The following KLHL14 variants were observed in gnomAD, a reference collection of about 807,000 sequenced individuals.
KLHL14 encodes kelch-like protein 14.
In KLHL14, 22 loss-of-function variants were observed where a neutral mutation model predicts 64.3. That is an observed-to-expected ratio of 0.34 (90% CI 0.24 to 0.49). KLHL14 has a LOEUF of 0.49. Among genes scored for constraint, KLHL14 ranks in the 20% least tolerant of loss-of-function variants. The pLI is 0.99. For missense variants in KLHL14, 661 were observed against 789.0 expected (o/e 0.84, Z 1.94); for synonymous variants, 322 against 333.4 (o/e 0.97, Z 0.37).
intron 3 of KLHL14, among the ~76,000 whole-genome samples, chr18:32,719,565 C>G (rs1263516253): frequency 2.6e-5 from 4 of 152,170 alleles, no homozygotes; most frequent in South Asian, 2.1e-4. Flanking sequence ...GGTAAACTGA[C>G]TTTGATGTCA....
intron 3 of KLHL14, among the ~76,000 whole-genome samples, chr18:32,718,097 T>TATATATTCTGG (rs2050055382): frequency 6.6e-6 from 1 of 152,246 alleles, no homozygotes. Context: ...TTCTGGGTTA[T>TATATATTCTGG]GCAATAAATG....
chr18:32,678,374 A>G (rs548125988), intron 7 of KLHL14, among the ~76,000 whole-genome samples: 1 of 152,196 alleles, frequency 6.6e-6, no homozygotes, highest in Admixed American at 6.5e-5. Context: ...AGATGAATAA[A>G]AAGGTGGAGA....
chr18:32,729,089 G>A (rs2050122000), intron 3 of KLHL14, among the ~76,000 whole-genome samples: 1 of 152,140 alleles, frequency 6.6e-6, no homozygotes, highest in Non-Finnish European at 1.5e-5. Flanking sequence ...TTAAAAAGTT[G>A]GGGTTTGTGG....
chr18:32,716,480 T>A (rs1256242220), intron 3 of KLHL14, among the ~76,000 whole-genome samples: 1 of 152,058 alleles, frequency 6.6e-6, no homozygotes, highest in Non-Finnish European at 1.5e-5. Flanking sequence ...AATGGCACGA[T>A]CTCGGCTCAC....
intron 4 of KLHL14, among the ~76,000 whole-genome samples, chr18:32,693,377 TACACACACACACACACAC>T (rs869067364): frequency 1.0e-5 from 1 of 96,658 alleles, no homozygotes; most frequent in African/African-American, 5.3e-5. Context: ...AAAGGGATCT[TACACACACACACACACAC>T]ACACACACAC....
At position 32,696,464 on chromosome 18, in the gene KLHL14, T is replaced by C. The variant is rs543982153; in HGVS notation, c.1070-912A>G. On this transcript the variant is annotated intron_variant, in intron 3 of 8. Transcript: ENST00000359358. Reference sequence around the variant, plus strand: ...TAAACGTATACAGCATTAGTTATCATATCTCCTACAGTGGTTTGGGCCCAG... The same window carrying C: ...TAAACGTATACAGCATTAGTTATCACATCTCCTACAGTGGTTTGGGCCCAG... 3.3e-5 allele frequency among the ~76,000 whole-genome samples: 5 copies of C among 152,320 alleles called. No homozygotes were observed. The South Asian group carries it at 1.0e-3, about 32-fold the overall frequency.
chr18:32,714,580 CTG>C (rs1164333622), intron 3 of KLHL14, among the ~76,000 whole-genome samples: 6 of 152,168 alleles, frequency 3.9e-5, no homozygotes, highest in African/African-American at 1.4e-4. Flanking sequence ...GAGCTTCTCT[CTG>C]GAATTCATGG....
intron 4 of KLHL14, among the ~76,000 whole-genome samples, chr18:32,688,237 A>G (rs1199615186): frequency 6.6e-6 from 1 of 152,194 alleles, no homozygotes; most frequent in Non-Finnish European, 1.5e-5. Context: ...AGAGATGGGT[A>G]CCAAATTCAC....
rs776682675 is a variant in KLHL14, at chr18:32,674,881, T to C, written c.1747-84A>G. 32 of 662,328 alleles carry C rather than the reference T, an allele frequency of 4.8e-5. 1 individual carries two copies. The highest frequency in any genetic ancestry group is 8.3e-5 in the Non-Finnish European group (30 of 360,422). The allele number at this position is 662,328 out of a possible 1,614,324, so 41.0% of individuals were successfully genotyped here. A position where few individuals can be genotyped will look rare whatever the true frequency, so the allele number is the denominator to read the frequency against. On this transcript the variant is annotated intron_variant, in intron 8 of 8. Transcript: ENST00000359358. ...GTTACTGATCATATTTATTAATATATTGAAAAGAAAATATCTGTTCTCCAT... is the reference window on the plus strand; with the variant it reads ...GTTACTGATCATATTTATTAATATACTGAAAAGAAAATATCTGTTCTCCAT...
At chr18:32,724,741 A>G (rs542710607) in intron 3 of KLHL14, among the ~76,000 whole-genome samples, 2 of 152,350 alleles carry the variant, frequency 1.3e-5, no homozygotes, top group East Asian at 3.9e-4. Context: ...GCAGAGTGTC[A>G]TATGGTGGTT....
chr18:32,719,575 A>T (rs1444120155), intron 3 of KLHL14, among the ~76,000 whole-genome samples: 1 of 152,224 alleles, frequency 6.6e-6, no homozygotes, highest in Admixed American at 6.5e-5. Flanking sequence ...CTTTGATGTC[A>T]TCCGTTTAAT....
chr18:32,686,649 A>T (rs2049880546), intron 5 of KLHL14, among the ~76,000 whole-genome samples: 2 of 152,160 alleles, frequency 1.3e-5, no homozygotes, highest in Admixed American at 1.3e-4. Context: ...TGTAAACAAG[A>T]CAAAATTTAC....
chr18:32,728,194 C>T (rs549337873), intron 3 of KLHL14, among the ~76,000 whole-genome samples: 48 of 152,248 alleles, frequency 3.2e-4, no homozygotes, highest in Admixed American at 1.6e-3. Flanking sequence ...TAGCCTGTCT[C>T]GTCTTGCTTC....
chr18:32,681,317 G>C (rs1437355429), intron 5 of KLHL14, among the ~76,000 whole-genome samples: 1 of 152,112 alleles, frequency 6.6e-6, no homozygotes, highest in Non-Finnish European at 1.5e-5. Flanking sequence ...TGTAGACAGA[G>C]AGACCAATCC....
chr18:32,689,036 T>C (rs1409804798), intron 4 of KLHL14, among the ~76,000 whole-genome samples: 1 of 152,196 alleles, frequency 6.6e-6, no homozygotes, highest in African/African-American at 2.4e-5. Context: ...GTTTTTAGCC[T>C]GAATAACTGA....
chr18:32,677,324 G>A lies in KLHL14; in HGVS notation c.1595C>T (p.Ser532Phe). The A allele has an allele frequency of 6.2e-7, 1 of 1,611,536 alleles. No individual in the cohort carries two copies. The highest frequency in any genetic ancestry group is 8.5e-7 in the Non-Finnish European group (1 of 1,178,720). ...AIGGNHLKGF[S>F]HLDVMLVECY... ...TTCCACAAGCATTACATCAAGGTGG[G>A]AGAAACCTAAGTGACAGAACAAAGT... The change falls in exon 8 of 9, where the codon TCC becomes TTC. Residue 532 changes from serine (S) to phenylalanine (F), a missense_variant. Transcript: ENST00000359358.
At chr18:32,733,862 T>C (rs2050149351) in intron 3 of KLHL14, 5 of 326,468 alleles carry the variant, frequency 1.5e-5, no homozygotes, top group Non-Finnish European at 1.7e-5. Flanking sequence ...GCTAAATTGC[T>C]ACGGTCTTTC....
At chr18:32,721,350 A>G (rs1313238456) in intron 3 of KLHL14, among the ~76,000 whole-genome samples, 2 of 152,204 alleles carry the variant, frequency 1.3e-5, no homozygotes, top group Non-Finnish European at 2.9e-5. Context: ...TGCCACTCTG[A>G]TACCCCTGTG....
intron 3 of KLHL14, among the ~76,000 whole-genome samples, chr18:32,701,364 G>T (rs2049965509): frequency 6.6e-6 from 1 of 152,162 alleles, no homozygotes; most frequent in Admixed American, 6.5e-5. Context: ...GAAATACAAT[G>T]GGATGATGTG....
Sources: allele counts gnomAD v4.1 joint callset (sites outside exome capture counted in the v4.1 genomes callset), GRCh38; gene constraint gnomAD v4.1.1; transcripts MANE v1.5; gene names NCBI Gene and HGNC (gene_info 2026-07-23, HGNC 2026-07-21).